Variants in POLA1 observed in about 807,000 individuals in gnomAD.
The protein encoded by POLA1 is DNA polymerase alpha catalytic subunit.
Under a neutral mutation model 124.0 loss-of-function variants are expected in POLA1, and 15 were observed. That is an observed-to-expected ratio of 0.12 (90% confidence interval 0.08 to 0.19). The LOEUF (loss-of-function observed/expected upper bound fraction) is 0.19. POLA1 is among the 10% of genes least tolerant of loss of function. The probability of loss-of-function intolerance (pLI) is 1.00; values close to 1 mark genes in which losing one functional copy is unlikely to be tolerated. For missense variants in POLA1, 886 were observed against 1,103.4 expected (o/e 0.80, Z 2.79); for synonymous variants, 408 against 389.4 (o/e 1.05, Z -0.56).
At chrX:24,821,642 A>G (rs1278974523) in intron 31 of POLA1, 59 bp downstream of exon 31, 6 of 917,822 alleles carry the variant, frequency 6.5e-6, no homozygotes, top group Non-Finnish European at 9.3e-6. Context: ...GTAAAATCCA[A>G]ATTACCACAG....
intron 26 of POLA1, among the ~76,000 whole-genome samples, chrX:24,779,271 G>T (rs1250133513): frequency 9.0e-6 from 1 of 111,013 alleles, no homozygotes. Flanking sequence ...TAGAGACGGG[G>T]TTTCACCACC....
intron 36 of POLA1, among the ~76,000 whole-genome samples, chrX:24,947,607 C>T (rs2047983643): frequency 9.0e-6 from 1 of 111,329 alleles, no homozygotes; most frequent in East Asian, 2.8e-4. Flanking sequence ...AGTTTTAGCT[C>T]TCTGCTCCAG....
intron 6 of POLA1, among the ~76,000 whole-genome samples, 169 bp downstream of exon 6, chrX:24,715,372 A>G (rs959927552): frequency 2.7e-5 from 3 of 111,214 alleles, no homozygotes; most frequent in African/African-American, 9.8e-5. Context: ...GCTCGTTGCA[A>G]CCTCTGATTC....
At chrX:24,979,996 T>C (rs1201507665) in intron 36 of POLA1, among the ~76,000 whole-genome samples, 1 of 111,989 alleles carries the variant, frequency 8.9e-6, no homozygotes, top group Non-Finnish European at 1.9e-5. Flanking sequence ...GTGGAGGAGA[T>C]GTGGACCATG....
In POLA1 at chrX:24,732,538, G is replaced by A. The variant is rs548198757; in HGVS notation, c.1771+84G>A. The A allele has an allele frequency of 2.3e-5, 10 of 443,716 alleles. No homozygotes were observed. In the South Asian group the frequency reaches 3.3e-4, roughly 15 times the overall value. The allele number at this position is 443,716 out of a possible 1,213,427, so 36.6% of individuals were successfully genotyped here. A position where few individuals can be genotyped will look rare whatever the true frequency, so the allele number is the denominator to read the frequency against. ...TCTCCAGCTATTGGATCAGTAACTT[G>A]TTTTTCAAAAATTGTTTTCAAGAAT... On this transcript the variant is annotated intron_variant, in intron 16 of 36. Transcript: ENST00000379068.
At chrX:24,853,843 T>G (rs1192470942) in intron 34 of POLA1, among the ~76,000 whole-genome samples, 1 of 112,060 alleles carries the variant, frequency 8.9e-6, no homozygotes, top group Non-Finnish European at 1.9e-5. Flanking sequence ...CTCAGACAGT[T>G]ACACAGGTGC....
chrX:24,862,716 C>T (rs1477853695), intron 34 of POLA1, among the ~76,000 whole-genome samples: 4 of 112,029 alleles, frequency 3.6e-5, no homozygotes, highest in Non-Finnish European at 7.5e-5. Context: ...AAGAGAGAGA[C>T]AAGAATGTGC....
intron 26 of POLA1, among the ~76,000 whole-genome samples, chrX:24,766,120 C>T (rs1337795820): frequency 1.8e-5 from 2 of 112,047 alleles, no homozygotes; most frequent in African/African-American, 3.2e-5. Flanking sequence ...TTTAGATTGT[C>T]GTCAGTGTTT....
At chrX:24,778,150 T>C (rs1286243887) in intron 26 of POLA1, among the ~76,000 whole-genome samples, 1 of 112,338 alleles carries the variant, frequency 8.9e-6, no homozygotes, top group Non-Finnish European at 1.9e-5. Flanking sequence ...TTACCTGTGA[T>C]TAGAGTGGTC....
intron 36 of POLA1, among the ~76,000 whole-genome samples, chrX:24,943,838 CT>C (rs2047932615): frequency 8.9e-6 from 1 of 112,174 alleles, no homozygotes; most frequent in Non-Finnish European, 1.9e-5. Context: ...CAAGGTTCTG[CT>C]ATTCCTTGTT....
rs753974622 is a variant in POLA1, at chrX:24,741,151, G to A, written c.2217-224G>A. 1.0e-4 allele frequency among the ~76,000 whole-genome samples: 11 copies of A among 105,193 alleles called. No homozygotes were observed. In the South Asian group the frequency reaches 1.3e-3, roughly 12 times the overall value. 91.3% of individuals were successfully genotyped at this position (105,193 alleles called of 115,157 possible). A position where few individuals can be genotyped will look rare whatever the true frequency, so the allele number is the denominator to read the frequency against. On this transcript the variant is annotated intron_variant, in intron 20 of 36. Transcript: ENST00000379068. Reference sequence around the variant, plus strand: ...TGTGTGTGTGTGTGTGTGTGTGCGCGCGTGTGTGTGTGTGTGTGTTTTGGA... The same window carrying A: ...TGTGTGTGTGTGTGTGTGTGTGCGCACGTGTGTGTGTGTGTGTGTTTTGGA...
At chrX:24,743,392 G>C (rs1049514615) in intron 23 of POLA1, 63 bp downstream of exon 23, 6 of 569,456 alleles carry the variant, frequency 1.1e-5, no homozygotes, top group Admixed American at 3.1e-5. Flanking sequence ...GTGGATCTAG[G>C]CTTGAGAAAC....
chrX:24,979,427 T>A (rs1031760095), intron 36 of POLA1, among the ~76,000 whole-genome samples: 3 of 112,515 alleles, frequency 2.7e-5, no homozygotes, highest in African/African-American at 9.7e-5. Context: ...AAGTTCTCAT[T>A]AGCTCTCTAT....
intron 36 of POLA1, among the ~76,000 whole-genome samples, chrX:24,955,673 G>A (rs1337212936): frequency 8.9e-6 from 1 of 112,028 alleles, no homozygotes; most frequent in Admixed American, 9.4e-5. Flanking sequence ...AGTGCTCACG[G>A]AGAATAAGAC....
intron 35 of POLA1, among the ~76,000 whole-genome samples, chrX:24,888,719 G>C (rs1243266273): frequency 9.5e-6 from 1 of 104,973 alleles, no homozygotes; most frequent in East Asian, 3.1e-4. Flanking sequence ...GGGACTACAG[G>C]CGCGTGCCAC....
chrX:24,949,792 T>C (rs1360919464), intron 36 of POLA1, among the ~76,000 whole-genome samples: 3 of 107,002 alleles, frequency 2.8e-5, no homozygotes, highest in Non-Finnish European at 5.8e-5. Flanking sequence ...TGGAGTGCAA[T>C]GGTGCGATCT....
At chrX:24,839,765 G>C (rs1256068660) in intron 32 of POLA1, among the ~76,000 whole-genome samples, 2 of 112,179 alleles carry the variant, frequency 1.8e-5, no homozygotes, top group Non-Finnish European at 3.8e-5. Flanking sequence ...TGTTGGCCTG[G>C]GAAATTGATT....
chrX:24,968,726 T>C (rs1331407075), intron 36 of POLA1, among the ~76,000 whole-genome samples: 1 of 102,248 alleles, frequency 9.8e-6, no homozygotes, highest in Non-Finnish European at 2.0e-5. Context: ...AAAAAAAGAA[T>C]CCATTGTATT....
At chrX:24,718,376 G>T (rs1046843465) in intron 10 of POLA1, among the ~76,000 whole-genome samples, 6 of 111,774 alleles carry the variant, frequency 5.4e-5, no homozygotes, top group African/African-American at 1.9e-4. Flanking sequence ...CCACTGGGCT[G>T]AGATTTGAGG....
Sources: gnomAD v4.1 joint callset for allele counts (sites outside exome capture counted in the v4.1 genomes callset) on GRCh38, gnomAD v4.1.1 for gene constraint, MANE v1.5 for transcripts, NCBI Gene and HGNC (gene_info 2026-07-23, HGNC 2026-07-21) for gene names.